DENND4C: variants seen among roughly 807,000 people sequenced by gnomAD.
The protein encoded by DENND4C is DENN domain-containing protein 4C.
Under a neutral mutation model 203.0 loss-of-function variants are expected in DENND4C, and 108 were observed. The ratio of observed to expected loss-of-function variants is 0.53; its 90% CI spans 0.46 to 0.62. The LOEUF (loss-of-function observed/expected upper bound fraction) is 0.62. DENND4C is among the 20% of genes least tolerant of loss of function. DENND4C has a pLI of 0.00. For synonymous variants in DENND4C, 871 were observed against 792.4 expected (o/e 1.10, Z -1.67); for missense variants, 2,481 against 2,301.2 (o/e 1.08, Z -1.60).
intron 1 of DENND4C, among the ~76,000 whole-genome samples, chr9:19,264,817 C>T (rs75897539): frequency 0.054 from 8,160 of 150,264 alleles, 368 homozygotes; most frequent in African/African-American, 0.12. Flanking sequence ...TGATCTTTTT[C>T]TTCTACTAAT....
chr9:19,279,048 C>T (rs1833494176), intron 2 of DENND4C, among the ~76,000 whole-genome samples: 1 of 139,728 alleles, frequency 7.2e-6, no homozygotes. Flanking sequence ...AGTGTGGTGG[C>T]TTACACTGTA....
At chr9:19,263,064 G>C (rs992343622) in intron 1 of DENND4C, among the ~76,000 whole-genome samples, 3 of 152,180 alleles carry the variant, frequency 2.0e-5, no homozygotes, top group East Asian at 1.9e-4. Context: ...AAAACAGTCT[G>C]TTATGGGTCT....
At chr9:19,341,766 A>G (rs1200301346) in intron 21 of DENND4C, among the ~76,000 whole-genome samples, 2 of 152,198 alleles carry the variant, frequency 1.3e-5, no homozygotes, top group Admixed American at 1.3e-4. Context: ...TTTTAATTCT[A>G]AAAGGCTCTT....
At chr9:19,371,950 A>G in intron 32 of DENND4C, 87 bp from the exon 33 acceptor site, 1 of 1,382,136 alleles carries the variant, frequency 7.2e-7, no homozygotes. Flanking sequence ...GTTCAAATAC[A>G]TATAATTTGA....
At chr9:19,348,211 T>C (rs1433801823) in intron 23 of DENND4C, among the ~76,000 whole-genome samples, 1 of 152,218 alleles carries the variant, frequency 6.6e-6, no homozygotes, top group East Asian at 1.9e-4. Context: ...TTGTAGATGA[T>C]ATTTGAAACT....
chr9:19,328,718 G>A (rs1476335755), intron 16 of DENND4C, among the ~76,000 whole-genome samples: 2 of 151,462 alleles, frequency 1.3e-5, no homozygotes, highest in Admixed American at 1.3e-4. Context: ...AATCAAGGCT[G>A]AAGTTTTTGA....
At chr9:19,341,156 T>G in intron 21 of DENND4C, 42 bp downstream of exon 21, 2 of 1,432,336 alleles carry the variant, frequency 1.4e-6, no homozygotes, top group Non-Finnish European at 1.9e-6. Flanking sequence ...GAATAATACC[T>G]GTATTATTAA....
chr9:19,342,308 A>G (rs1237166424), intron 21 of DENND4C, among the ~76,000 whole-genome samples: 3 of 152,134 alleles, frequency 2.0e-5, no homozygotes, highest in Non-Finnish European at 4.4e-5. Flanking sequence ...TATTTATTTT[A>G]TACTCCAGAG....
chr9:19,282,141 T>G (rs1019889868), intron 2 of DENND4C, among the ~76,000 whole-genome samples: 6 of 124,454 alleles, frequency 4.8e-5, no homozygotes, highest in African/African-American at 1.6e-4. Context: ...TCTTTTGTAA[T>G]AATACTTAGT....
chr9:19,319,287 T>G (rs1842379525), intron 12 of DENND4C, among the ~76,000 whole-genome samples: 1 of 145,116 alleles, frequency 6.9e-6, no homozygotes, highest in African/African-American at 2.5e-5. Flanking sequence ...TATAAACATT[T>G]GTGTGTATAT....
At position 19,300,930 on chromosome 9, in the gene DENND4C, A is replaced by C. The variant is rs191643411; in HGVS notation, c.1311+599A>C. 3.3e-5 allele frequency among the ~76,000 whole-genome samples: 5 copies of C among 152,326 alleles called. No individual in the cohort carries two copies. The East Asian group carries it at 9.6e-4, about 29-fold the overall frequency. On this transcript the variant is annotated intron_variant, in intron 9 of 32. Coordinates refer to ENST00000434457, the MANE Select transcript of DENND4C (RefSeq NM_001330640.2). ...CATGGTGGCTTACACCTGTAATCCCAGCAATTTGGGAGGCTGAGGTAGGCG... is the reference window on the plus strand; with the variant it reads ...CATGGTGGCTTACACCTGTAATCCCCGCAATTTGGGAGGCTGAGGTAGGCG...
At position 19,346,769 on chromosome 9, in the gene DENND4C, T is replaced by C; in HGVS notation, c.4000T>C (p.Ser1334Pro). The C allele has an allele frequency of 6.2e-7, 1 of 1,614,150 alleles. No individual in the cohort carries two copies. The highest frequency in any genetic ancestry group is 8.5e-7 in the Non-Finnish European group (1 of 1,180,028). Residue 1334 changes from serine (S) to proline (P), a missense_variant, in exon 23 of 33, where the codon TCA (serine) becomes CCA (proline). Transcript: ENST00000434457. The stretch of plus-strand genomic sequence containing the variant: ...ATCAAGCCTACCTTTAGATCATGGT[T>C]CACCAGCACAGGAAAATCCTGAAAG... ...RRSSLPLDHG[S>P]PAQENPESEK... is the part of the protein sequence containing the mutation.
intron 24 of DENND4C, among the ~76,000 whole-genome samples, chr9:19,351,805 T>TTAAAA (rs1484817103): frequency 3.9e-5 from 5 of 127,662 alleles, no homozygotes; most frequent in African/African-American, 1.5e-4. Context: ...AGACTCCATC[T>TTAAAA]AAAAAAAAAA....
intron 1 of DENND4C, among the ~76,000 whole-genome samples, chr9:19,273,360 A>G (rs551755382): frequency 1.1e-4 from 16 of 152,152 alleles, no homozygotes; most frequent in Non-Finnish European, 2.2e-4. Flanking sequence ...TGCAGGAATT[A>G]TAGGTGTAAG....
At chr9:19,342,830 C>T (rs1286317223) in intron 22 of DENND4C, 51 bp downstream of exon 22, 2 of 1,394,256 alleles carry the variant, frequency 1.4e-6, no homozygotes, top group Admixed American at 2.8e-5. Context: ...CTTTTATAGA[C>T]TCATATGTGT....
chr9:19,241,643 A>T (rs79144082), intron 1 of DENND4C, among the ~76,000 whole-genome samples: 2,438 of 152,002 alleles, frequency 0.016, 75 homozygotes, highest in African/African-American at 0.056. Flanking sequence ...GTCCTACTGG[A>T]AGGTCTTCAG....
At chr9:19,328,906 G>C (rs1237607503) in intron 16 of DENND4C, among the ~76,000 whole-genome samples, 2 of 151,868 alleles carry the variant, frequency 1.3e-5, no homozygotes, top group African/African-American at 2.4e-5. Flanking sequence ...AAATTAGCTG[G>C]GTGTGGTGGT....
chr9:19,346,017 A>G lies in DENND4C; in HGVS notation c.3248A>G (p.Glu1083Gly), dbSNP rs1447991038. Residue 1083 changes from glutamate to glycine, a missense_variant, in exon 23 of 33, where the codon GAA (glutamate) becomes GGA (glycine). By Grantham distance (98) the Glu-to-Gly change is moderately conservative. Around this residue, in one of 3 missense-constraint regions of DENND4C, gnomAD observed 2,289 missense variants for 2,113.3 expected, o/e 1.08. Transcript: ENST00000434457. ...TNLKKNGDRG[E>G]KRQKHFPERS... Reference sequence around the variant, plus strand: ...CTCAAGAAGAATGGTGATAGAGGAGAAAAAAGACAAAAGCATTTTCCTGAG... The same window carrying G: ...CTCAAGAAGAATGGTGATAGAGGAGGAAAAAGACAAAAGCATTTTCCTGAG... 1.2e-6 allele frequency: 2 copies of G among 1,614,008 alleles called. No homozygotes were observed. The highest frequency in any genetic ancestry group is 1.7e-6 in the Non-Finnish European group (2 of 1,180,042).
intron 10 of DENND4C, among the ~76,000 whole-genome samples, chr9:19,306,745 GTATTTATT>G (rs59616787): frequency 0.014 from 2,037 of 142,296 alleles, 31 homozygotes; most frequent in East Asian, 0.045. Flanking sequence ...TTGCACAATT[GTATTTATT>G]TATTTATTTA....
Sources: allele counts gnomAD v4.1 joint callset (sites outside exome capture counted in the v4.1 genomes callset), GRCh38; gene constraint gnomAD v4.1.1; regional missense constraint gnomAD v4.1.1; transcripts MANE v1.5; gene names NCBI Gene and HGNC (gene_info 2026-07-23, HGNC 2026-07-21).